Variants in PBX3 observed in about 807,000 individuals in gnomAD.
The protein encoded by PBX3 is PBX homeobox 3.
Under a neutral mutation model 48.5 loss-of-function variants are expected in PBX3, and 14 were observed. The observed-to-expected ratio is 0.29, with a 90% CI of 0.19 to 0.45. PBX3 has a LOEUF of 0.45. Ranked by LOEUF, PBX3 falls within the 20% of genes least tolerant of loss-of-function variation. The pLI is 1.00. For synonymous variants in PBX3, 210 were observed against 200.3 expected, an observed-to-expected ratio of 1.05 and a Z score of -0.41; for missense variants, 386 against 546.7, an observed-to-expected ratio of 0.71 and a Z score of 2.93.
rs540926975 is a variant in PBX3 at position 125,865,052 on chromosome 9, G to A, written c.275-50634G>A. ...ACATTTATTGTGCCTGGCGCTGTTC[G>A]GATTACTTCCTATGTATTCATCCAC... On this transcript the variant is annotated intron_variant, in intron 2 of 8. Coordinates refer to ENST00000373489, the MANE Select transcript of PBX3 (RefSeq NM_006195.6). 6.6e-5 allele frequency among the ~76,000 whole-genome samples: 10 copies of A among 152,276 alleles called. No individual in the cohort carries two copies. In the East Asian group the frequency reaches 7.7e-4, roughly 12 times the overall value.
chr9:125,796,479 G>A (rs1346307860), intron 2 of PBX3, among the ~76,000 whole-genome samples: 4 of 152,086 alleles, frequency 2.6e-5, no homozygotes, highest in East Asian at 1.9e-4. Flanking sequence ...TCTGTGGGGC[G>A]GGCTGTTGTA....
Position 125,748,598 on chromosome 9 carries a change from C to G in PBX3, c.249C>G (p.Val83=), listed in dbSNP as rs571354755. 2.2e-5 allele frequency: 35 copies of G among 1,613,774 alleles called. No homozygotes were observed. Among genetic ancestry groups the G allele is most frequent in the Non-Finnish European group, 3.0e-5 (35 of 1,179,932 alleles). Residue 83 remains valine, a synonymous_variant, in exon 2 of 9, where the codon GTC becomes GTG. Coordinates refer to ENST00000373489, the MANE Select transcript of PBX3 (RefSeq NM_006195.6). ...CHRMKPALFS[V]LCEIKEKTGL... ...GAATGAAACCAGCGCTCTTCAGCGT[C>G]CTGTGTGAGATCAAAGAGAAAACAG...
chr9:125,758,579 G>A (rs1250266407), intron 2 of PBX3, among the ~76,000 whole-genome samples: 1 of 152,104 alleles, frequency 6.6e-6, no homozygotes, highest in East Asian at 1.9e-4. Context: ...AAGATAAGAT[G>A]TTCCCATAAA....
intron 2 of PBX3, among the ~76,000 whole-genome samples, chr9:125,832,477 GA>G (rs1260241934): frequency 2.0e-5 from 3 of 152,230 alleles, no homozygotes; most frequent in Non-Finnish European, 4.4e-5. Flanking sequence ...TTACAGGCGT[GA>G]GCCCCTGCGC....
At chr9:125,852,063 G>GA (rs954232994) in intron 2 of PBX3, among the ~76,000 whole-genome samples, 1 of 151,920 alleles carries the variant, frequency 6.6e-6, no homozygotes, top group Non-Finnish European at 1.5e-5. Flanking sequence ...AAAAAGAGCA[G>GA]AAAAAAAGGG....
intron 5 of PBX3, among the ~76,000 whole-genome samples, chr9:125,959,884 C>A (rs1259763459): frequency 4.6e-5 from 7 of 152,102 alleles, no homozygotes; most frequent in Non-Finnish European, 7.3e-5. Context: ...TTACAGGTGC[C>A]TGAATACATT....
intron 2 of PBX3, among the ~76,000 whole-genome samples, chr9:125,896,632 C>A (rs1270027529): frequency 1.3e-5 from 2 of 151,940 alleles, no homozygotes; most frequent in African/African-American, 2.4e-5. Flanking sequence ...TATAAGTAAT[C>A]ATTTATTGTT....
chr9:125,840,600 TCTC>T (rs1036407066), intron 2 of PBX3, among the ~76,000 whole-genome samples: 4 of 151,922 alleles, frequency 2.6e-5, no homozygotes, highest in African/African-American at 9.7e-5. Flanking sequence ...AACTCCTCGA[TCTC>T]CTTGGTACAT....
intron 2 of PBX3, among the ~76,000 whole-genome samples, chr9:125,827,983 A>G (rs901046996): frequency 1.3e-5 from 2 of 152,186 alleles, no homozygotes; most frequent in Non-Finnish European, 2.9e-5. Flanking sequence ...TGGAAGGATC[A>G]GAAACTAAAT....
intron 2 of PBX3, among the ~76,000 whole-genome samples, chr9:125,901,718 T>C (rs1222559040): frequency 6.6e-6 from 1 of 151,618 alleles, no homozygotes; most frequent in Non-Finnish European, 1.5e-5. Context: ...AGTAACAGTT[T>C]CAAAGAATGT....
chr9:125,940,690 A>G (rs899663547), intron 5 of PBX3, among the ~76,000 whole-genome samples: 2 of 152,256 alleles, frequency 1.3e-5, no homozygotes, highest in Non-Finnish European at 2.9e-5. Flanking sequence ...CTATAACTAT[A>G]TGTAACTACA....
intron 2 of PBX3, among the ~76,000 whole-genome samples, chr9:125,885,637 G>A (rs1459909511): frequency 6.6e-6 from 1 of 152,108 alleles, no homozygotes; most frequent in Non-Finnish European, 1.5e-5. Context: ...ACTCGCGAAG[G>A]TAGTTGTTTA....
intron 2 of PBX3, among the ~76,000 whole-genome samples, chr9:125,779,822 C>A (rs1837194138): frequency 3.5e-5 from 5 of 142,262 alleles, no homozygotes; most frequent in Non-Finnish European, 6.1e-5. Flanking sequence ...CTCCTCACTT[C>A]CTAGTAGGGG....
chr9:125,848,877 G>T (rs1588215837), intron 2 of PBX3, among the ~76,000 whole-genome samples: 1 of 151,994 alleles, frequency 6.6e-6, no homozygotes, highest in Non-Finnish European at 1.5e-5. Flanking sequence ...CAACAGGCTA[G>T]ATAAGCTTGA....
chr9:125,921,316 T>C (rs1841451953), intron 3 of PBX3, among the ~76,000 whole-genome samples: 3 of 152,234 alleles, frequency 2.0e-5, no homozygotes, highest in Admixed American at 1.3e-4. Context: ...ATTTAATACA[T>C]TTGAATACTC....
At chr9:125,821,837 C>T (rs1185061226) in intron 2 of PBX3, among the ~76,000 whole-genome samples, 1 of 151,648 alleles carries the variant, frequency 6.6e-6, no homozygotes, top group Non-Finnish European at 1.5e-5. Flanking sequence ...GTTGTTTTAC[C>T]CCTTAAAGGC....
At chr9:125,836,079 T>C (rs527685897) in intron 2 of PBX3, among the ~76,000 whole-genome samples, 1 of 152,260 alleles carries the variant, frequency 6.6e-6, no homozygotes, top group Non-Finnish European at 1.5e-5. Context: ...CGAGAGGACA[T>C]TATGTTAAGT....
At chr9:125,935,067 C>G (rs1841803979) in intron 4 of PBX3, among the ~76,000 whole-genome samples, 1 of 152,278 alleles carries the variant, frequency 6.6e-6, no homozygotes, top group South Asian at 2.1e-4. Flanking sequence ...CTCACACATT[C>G]CCTGTCTTTT....
intron 2 of PBX3, among the ~76,000 whole-genome samples, chr9:125,824,898 A>G (rs921670288): frequency 1.3e-5 from 2 of 152,156 alleles, no homozygotes; most frequent in Admixed American, 6.5e-5. Flanking sequence ...GCATTAGTTC[A>G]TTTAATCCTT....
Sources: gnomAD v4.1 joint callset for allele counts (sites outside exome capture counted in the v4.1 genomes callset) on GRCh38, gnomAD v4.1.1 for gene constraint, MANE v1.5 for transcripts, NCBI Gene and HGNC (gene_info 2026-07-23, HGNC 2026-07-21) for gene names.